Variants in MDFIC2 observed in about 807,000 individuals in gnomAD.
MDFIC2 encodes the protein MyoD family inhibitor domain containing 2, also known as myoD family inhibitor domain-containing protein 2.
intron 2 of MDFIC2, chr3:70,291,892 T>C (rs1411442277): frequency 6.6e-6 from 1 of 152,248 alleles, no homozygotes; most frequent in Non-Finnish European, 1.5e-5. Context: ...TAATATTTTC[T>C]GCTCTCTTAT....
intron 2 of MDFIC2, among the ~76,000 whole-genome samples, chr3:70,247,443 C>T (rs1479189459): frequency 2.0e-5 from 3 of 151,470 alleles, no homozygotes; most frequent in Non-Finnish European, 4.4e-5. Flanking sequence ...CTCTTGAGCA[C>T]TTCATATGTA....
At chr3:70,295,539 C>T (rs143137692) in intron 2 of MDFIC2, among the ~76,000 whole-genome samples, 161 of 152,044 alleles carry the variant, frequency 1.1e-3, no homozygotes, top group African/African-American at 3.8e-3. Flanking sequence ...CCCGTCTCTA[C>T]AAAAAAGTTA....
chr3:70,292,645 C>G (rs1238840104), intron 2 of MDFIC2, among the ~76,000 whole-genome samples: 2 of 152,010 alleles, frequency 1.3e-5, no homozygotes, highest in Non-Finnish European at 2.9e-5. Context: ...ACTATTTAAA[C>G]TCCCTAATGA....
intron 2 of MDFIC2, among the ~76,000 whole-genome samples, chr3:70,295,690 T>C (rs1240330283): frequency 6.6e-6 from 1 of 152,126 alleles, no homozygotes; most frequent in African/African-American, 2.4e-5. Flanking sequence ...AGACCCTATC[T>C]CAAAAATAAA....
intron 2 of MDFIC2, among the ~76,000 whole-genome samples, chr3:70,267,006 C>G (rs1012420666): frequency 1.3e-5 from 2 of 152,098 alleles, no homozygotes; most frequent in African/African-American, 4.8e-5. Flanking sequence ...ATTTTCCGGT[C>G]ATAGTTTTCT....
At chr3:70,211,269 ATTCCCTTCCCTTTGCCC>A (rs1457240692) in intron 2 of MDFIC2, among the ~76,000 whole-genome samples, 2 of 104,158 alleles carry the variant, frequency 1.9e-5, no homozygotes, top group Non-Finnish European at 3.8e-5. Flanking sequence ...TTCTTTCTCC[ATTCCCTTCCCTTTGCCC>A]TTCCCTTCCC....
chr3:70,290,451 T>C (rs1702223917), intron 2 of MDFIC2, among the ~76,000 whole-genome samples: 1 of 152,204 alleles, frequency 6.6e-6, no homozygotes, highest in South Asian at 2.1e-4. Context: ...GGAGAACCAC[T>C]GCTCTCTTCA....
intron 2 of MDFIC2, among the ~76,000 whole-genome samples, chr3:70,295,672 A>T (rs1358993637): frequency 6.6e-6 from 1 of 152,158 alleles, no homozygotes; most frequent in Non-Finnish European, 1.5e-5. Flanking sequence ...AGCTTGAGTG[A>T]CAGTGTGAGA....
At chr3:70,229,754 C>A (rs1701540984) in intron 2 of MDFIC2, among the ~76,000 whole-genome samples, 1 of 152,082 alleles carries the variant, frequency 6.6e-6, no homozygotes, top group South Asian at 2.1e-4. Context: ...GGAAAGCAAC[C>A]TAGGGATATC....
At chr3:70,225,769 T>G (rs1353101829) in intron 2 of MDFIC2, among the ~76,000 whole-genome samples, 4 of 152,216 alleles carry the variant, frequency 2.6e-5, no homozygotes, top group Non-Finnish European at 1.5e-5. Flanking sequence ...GATTTATGTC[T>G]TTTAAAAAAA....
intron 2 of MDFIC2, among the ~76,000 whole-genome samples, chr3:70,233,450 C>T (rs1205611109): frequency 2.0e-5 from 3 of 152,144 alleles, no homozygotes; most frequent in African/African-American, 7.2e-5. Context: ...GATAAAGCTT[C>T]CCTTTTCGTT....
intron 2 of MDFIC2, among the ~76,000 whole-genome samples, chr3:70,271,386 A>G (rs947391229): frequency 2.6e-5 from 4 of 152,192 alleles, no homozygotes; most frequent in East Asian, 1.9e-4. Flanking sequence ...TGGAACTCCA[A>G]TGGTTCCAGC....
intron 2 of MDFIC2, among the ~76,000 whole-genome samples, chr3:70,262,261 G>A (rs1701874216): frequency 1.3e-5 from 2 of 152,132 alleles, no homozygotes; most frequent in Non-Finnish European, 2.9e-5. Flanking sequence ...ACTGAAAACA[G>A]GCAGTGAAGC....
chr3:70,212,835 T>G (rs780765675), intron 2 of MDFIC2, among the ~76,000 whole-genome samples: 1 of 152,074 alleles, frequency 6.6e-6, no homozygotes, highest in Non-Finnish European at 1.5e-5. Context: ...TCACCCAGGC[T>G]GGAGTGCAGT....
intron 2 of MDFIC2, among the ~76,000 whole-genome samples, chr3:70,217,323 A>G (rs1192036738): frequency 1.3e-5 from 2 of 152,130 alleles, no homozygotes; most frequent in African/African-American, 4.8e-5. Flanking sequence ...TGAAATAAGC[A>G]TTGTTGTCAT....
chr3:70,280,383 C>T (rs958107026), intron 2 of MDFIC2, among the ~76,000 whole-genome samples: 15 of 152,144 alleles, frequency 9.9e-5, no homozygotes, highest in African/African-American at 3.6e-4. Flanking sequence ...CAGGACCTGA[C>T]ATTCTGGGTG....
rs1239960113 is a variant in MDFIC2 at position 70,196,269 on chromosome 3, T to C, written c.*657A>G. On this transcript the variant is annotated 3_prime_UTR_variant, in exon 4 of 4. Transcript: ENST00000567252. ...TAGTCATAGACATACAATAATATGG[T>C]CTAGAATTATAGTACTCTCTTGAAG... 1.3e-5 allele frequency among the ~76,000 whole-genome samples: 2 copies of C among 152,160 alleles called. No individual in the cohort carries two copies. Among genetic ancestry groups the C allele is most frequent in the African/African-American group, 4.8e-5 (2 of 41,462 alleles).
rs1701174908 is a variant in MDFIC2, at chr3:70,196,015, A to C, written c.*911T>G. ...TATATTAAGAAGCTTGGTGCTGAAT[A>C]AGTACCCTCAACGCTTATTTCTTTC... On this transcript the variant is annotated 3_prime_UTR_variant, in exon 4 of 4. Coordinates refer to ENST00000567252, the MANE Select transcript of MDFIC2 (RefSeq NM_001364677.1). Among the ~76,000 whole-genome samples the C allele has an allele frequency of 6.6e-6, 1 of 152,196 alleles. No individual in the cohort carries two copies. Among genetic ancestry groups the C allele is most frequent in the South Asian group, 2.1e-4 (1 of 4,834 alleles).
intron 2 of MDFIC2, among the ~76,000 whole-genome samples, chr3:70,278,056 T>TA (rs1490774657): frequency 1.3e-5 from 2 of 152,118 alleles, no homozygotes; most frequent in Non-Finnish European, 2.9e-5. Flanking sequence ...CCCATCAAGA[T>TA]AAAAAACACT....
Sources: gnomAD v4.1 joint callset for allele counts (sites outside exome capture counted in the v4.1 genomes callset) on GRCh38, gnomAD v4.1.1 for gene constraint, MANE v1.5 for transcripts, NCBI Gene and HGNC (gene_info 2026-07-23, HGNC 2026-07-21) for gene names.